FNDC7: variants seen among roughly 807,000 people sequenced by gnomAD.
FNDC7 encodes fibronectin type III domain containing 7.
Under a neutral mutation model 74.2 loss-of-function variants are expected in FNDC7, and 66 were observed. The observed-to-expected ratio is 0.89, with a 90% confidence interval of 0.73 to 1.09. The LOEUF is 1.09. Ranked by LOEUF, FNDC7 falls within the 50% of genes least tolerant of loss-of-function variation. The pLI is 0.00. For synonymous variants in FNDC7, 307 were observed against 330.2 expected (o/e 0.93, Z 0.76); for missense variants, 829 against 893.4 (o/e 0.93, Z 0.92).
intron 9 of FNDC7, among the ~76,000 whole-genome samples, chr1:108,732,465 A>G (rs574236506): frequency 8.7e-4 from 133 of 152,324 alleles, no homozygotes; most frequent in Middle Eastern, 3.4e-3. Flanking sequence ...TCTCGGCAAA[A>G]TTGGTTCTTC....
chr1:108,713,318 T>A, intron 1 of FNDC7, 193 bp from the exon 2 acceptor site: 4 of 621,146 alleles, frequency 6.4e-6, no homozygotes, highest in Admixed American at 6.4e-5. Flanking sequence ...TAAATTCTAT[T>A]TAGAGTTGTT....
intron 11 of FNDC7, among the ~76,000 whole-genome samples, chr1:108,740,510 C>G (rs1190120536): frequency 1.3e-5 from 2 of 151,760 alleles, no homozygotes; most frequent in Non-Finnish European, 2.9e-5. Flanking sequence ...GTATTTTTAG[C>G]AGAGATGGGG....
rs1182232600 is a variant in FNDC7, at chr1:108,736,546, A to T, written c.2141-949A>T. 2.6e-5 allele frequency among the ~76,000 whole-genome samples: 4 copies of T among 152,212 alleles called. No homozygotes were observed. In the South Asian group the frequency reaches 8.3e-4, roughly 32 times the overall value. ...GAATGAATCAATGAATATACAGCTAAGTGAGTGATGGAAGTCTTTTGTTCT... is the reference window on the plus strand; with the variant it reads ...GAATGAATCAATGAATATACAGCTATGTGAGTGATGGAAGTCTTTTGTTCT... On this transcript the variant is annotated intron_variant, in intron 10 of 12. Transcript: ENST00000370017.
At chr1:108,736,985 T>TTTTTA (rs1570736672) in intron 10 of FNDC7, among the ~76,000 whole-genome samples, 1 of 146,950 alleles carries the variant, frequency 6.8e-6, no homozygotes, top group African/African-American at 2.6e-5. Flanking sequence ...TTTTTTTTTT[T>TTTTTA]GAGATGGAGC....
intron 9 of FNDC7, among the ~76,000 whole-genome samples, chr1:108,732,850 A>T (rs1286630922): frequency 6.6e-6 from 1 of 151,754 alleles, no homozygotes; most frequent in African/African-American, 2.4e-5. Flanking sequence ...CATAGCTCAC[A>T]GCAGCCTTGA....
rs1661007509 is a variant in FNDC7 at position 108,717,803 on chromosome 1, G to A, written c.109G>A (p.Ala37Thr). The A allele has an allele frequency of 6.4e-6, 10 of 1,551,640 alleles. No individual in the cohort carries two copies. The highest frequency in any genetic ancestry group is 1.2e-5 in the South Asian group (1 of 84,050). The change falls in exon 3 of 13, where the codon GCA becomes ACA. Residue 37 changes from alanine to threonine, a missense_variant. Transcript: ENST00000370017. ...SAPEIPTIDQ[A>T]YSKLSNSITV... ...TCCTGAAATACCCACTATTGATCAG[G>A]CATATTCAAAACTCAGCAACAGTAT... is the stretch of plus-strand genomic sequence containing the variant.
intron 8 of FNDC7, among the ~76,000 whole-genome samples, chr1:108,730,204 C>T (rs968910317): frequency 2.6e-5 from 4 of 151,952 alleles, no homozygotes; most frequent in African/African-American, 7.3e-5. Flanking sequence ...TGGTGAAACC[C>T]CATCTCTACT....
Position 108,725,739 on chromosome 1 carries a change from T to A in FNDC7, c.857-11T>A, listed in dbSNP as rs140007670. On this transcript the variant is annotated splice_polypyrimidine_tract_variant and intron_variant, in intron 5 of 12. Coordinates refer to ENST00000370017, the MANE Select transcript of FNDC7 (RefSeq NM_001144937.3). ...GCAGTAGTCTCATGTTTATTATTGATCATTTCCTAGTTGCTTGTGCACCCG... is the reference window on the plus strand; with the variant it reads ...GCAGTAGTCTCATGTTTATTATTGAACATTTCCTAGTTGCTTGTGCACCCG... 2 of 1,611,290 alleles carry A rather than the reference T, an allele frequency of 1.2e-6. No homozygotes were observed. The highest frequency in any genetic ancestry group is 3.3e-5 in the Admixed American group (2 of 59,820).
At chr1:108,727,665 C>T in intron 6 of FNDC7, 143 bp from the exon 7 acceptor site, 2 of 968,430 alleles carry the variant, frequency 2.1e-6, no homozygotes, top group Non-Finnish European at 3.1e-6. Flanking sequence ...CAAGATTGGA[C>T]CTTGACAGAC....
chr1:108,735,803 T>G (rs980686189), intron 10 of FNDC7, among the ~76,000 whole-genome samples: 3 of 151,708 alleles, frequency 2.0e-5, no homozygotes, highest in Non-Finnish European at 4.4e-5. Context: ...TTTTGTGGGG[T>G]TTTTTTGTTT....
intron 7 of FNDC7, 61 bp from the exon 8 acceptor site, chr1:108,728,571 A>C: frequency 6.3e-7 from 1 of 1,599,266 alleles, no homozygotes; most frequent in Non-Finnish European, 8.5e-7. Context: ...GTTTTAGACC[A>C]AATGGCACAT....
chr1:108,734,080 G>A (rs900486997), intron 10 of FNDC7, among the ~76,000 whole-genome samples: 23 of 152,110 alleles, frequency 1.5e-4, no homozygotes, highest in African/African-American at 5.6e-4. Flanking sequence ...TCCTAAAAAG[G>A]ACTAGATGCT....
intron 9 of FNDC7, among the ~76,000 whole-genome samples, chr1:108,732,772 TTTTC>T (rs1209660560): frequency 1.3e-5 from 2 of 151,850 alleles, no homozygotes; most frequent in African/African-American, 4.8e-5. Context: ...CTTTCTTTCT[TTTTC>T]TTTCTTTTTT....
At chr1:108,738,629 AG>A (rs1416558339) in intron 11 of FNDC7, among the ~76,000 whole-genome samples, 1 of 146,484 alleles carries the variant, frequency 6.8e-6, no homozygotes, top group Non-Finnish European at 1.5e-5. Context: ...CCCACTGGAC[AG>A]CCTTCCAGTC....
chr1:108,728,696 G>C lies in FNDC7; in HGVS notation c.1434G>C (p.Trp478Cys). 2 of 1,614,192 alleles carry C rather than the reference G, an allele frequency of 1.2e-6. No individual in the cohort carries two copies. The highest frequency in any genetic ancestry group is 8.5e-7 in the Non-Finnish European group (1 of 1,180,028). ...RDAFSMINVH[W>C]RSTNDDATYT... is the part of the protein sequence containing the mutation. ...CATTCTCCATGATTAATGTGCACTGGCGATCCACTAATGATGATGCTACTT... is the reference window on the plus strand; with the variant it reads ...CATTCTCCATGATTAATGTGCACTGCCGATCCACTAATGATGATGCTACTT... The change falls in exon 8 of 13, where the codon TGG (tryptophan) becomes TGC (cysteine). Residue 478 changes from tryptophan (W) to cysteine (C), a missense_variant. Coordinates refer to ENST00000370017, the MANE Select transcript of FNDC7 (RefSeq NM_001144937.3).
At chr1:108,733,045 A>G (rs1661427125) in intron 9 of FNDC7, among the ~76,000 whole-genome samples, 1 of 151,322 alleles carries the variant, frequency 6.6e-6, no homozygotes, top group Non-Finnish European at 1.5e-5. Context: ...AAGTACTCAG[A>G]TTATAGGCAT....
intron 9 of FNDC7, among the ~76,000 whole-genome samples, chr1:108,731,168 G>C (rs1661336207): frequency 6.6e-6 from 1 of 152,164 alleles, no homozygotes; most frequent in South Asian, 2.1e-4. Context: ...TGCTTTTTCT[G>C]AAGGGACCAT....
rs1432850944 is a variant in FNDC7, at chr1:108,733,491, C to T, written c.2099C>T (p.Thr700Ile). Residue 700 changes from threonine (T) to isoleucine (I), a missense_variant, in exon 10 of 13, where the codon ACA (threonine) becomes ATA (isoleucine). By Grantham distance (89) the Thr-to-Ile change is moderately conservative. Coordinates refer to ENST00000370017, the MANE Select transcript of FNDC7 (RefSeq NM_001144937.3). ...YTVMVSPVAKTGLKLTFCPKK... is the reference protein window; with the variant it reads ...YTVMVSPVAKIGLKLTFCPKK... ...GTGATGGTCTCACCAGTTGCTAAAA[C>T]AGGATTGAAGCTTACTTTCTGTCCA... 6.2e-7 allele frequency: 1 copy of T among 1,614,050 alleles called. No individual in the cohort carries two copies. Among genetic ancestry groups the T allele is most frequent in the Admixed American group, 1.7e-5 (1 of 60,002 alleles).
At chr1:108,735,636 A>C (rs1202800882) in intron 10 of FNDC7, among the ~76,000 whole-genome samples, 1 of 152,264 alleles carries the variant, frequency 6.6e-6, no homozygotes, top group Non-Finnish European at 1.5e-5. Flanking sequence ...TTCAACATCT[A>C]ATCAATATAA....
Sources: gnomAD v4.1 joint callset for allele counts (sites outside exome capture counted in the v4.1 genomes callset) on GRCh38, gnomAD v4.1.1 for gene constraint, MANE v1.5 for transcripts, NCBI Gene and HGNC (gene_info 2026-07-23, HGNC 2026-07-21) for gene names.